The following HNRNPF variants were observed in gnomAD, a reference collection of about 807,000 sequenced individuals.
HNRNPF encodes the protein HnRNP F protein.
Under a neutral mutation model 26.0 loss-of-function variants are expected in HNRNPF, and 2 were observed. That is an observed-to-expected ratio of 0.08 (90% CI 0.03 to 0.24). The LOEUF (loss-of-function observed/expected upper bound fraction) is 0.24. Among genes scored for constraint, HNRNPF ranks in the 10% least tolerant of loss-of-function variants. The probability of loss-of-function intolerance (pLI) is 1.00; values close to 1 mark genes in which losing one functional copy is unlikely to be tolerated. For synonymous variants in HNRNPF, 234 were observed against 211.5 expected (o/e 1.11, Z -0.92); for missense variants, 299 against 539.2 (o/e 0.55, Z 4.41).
intron 3 of HNRNPF, among the ~76,000 whole-genome samples, chr10:43,392,273 C>A (rs913621866): frequency 6.6e-6 from 1 of 152,064 alleles, no homozygotes; most frequent in Non-Finnish European, 1.5e-5. Flanking sequence ...GGGCACAGTG[C>A]CTCACACCTG....
intron 3 of HNRNPF, among the ~76,000 whole-genome samples, chr10:43,392,015 A>C (rs1014358973): frequency 1.3e-5 from 2 of 151,890 alleles, no homozygotes; most frequent in African/African-American, 2.4e-5. Flanking sequence ...GAGGTCAAGG[A>C]GGGTGGATAA....
chr10:43,397,859 T>G (rs1838612636), intron 1 of HNRNPF, among the ~76,000 whole-genome samples: 1 of 152,222 alleles, frequency 6.6e-6, no homozygotes. Flanking sequence ...GCCACAAATA[T>G]TTGCAGATGA....
intron 1 of HNRNPF, among the ~76,000 whole-genome samples, chr10:43,408,402 G>A (rs1277601139): frequency 1.3e-5 from 2 of 152,150 alleles, no homozygotes; most frequent in African/African-American, 4.8e-5. Context: ...GTTCTTGCCG[G>A]TCCCACGTAC....
chr10:43,403,097 C>T (rs1838803259), intron 1 of HNRNPF, among the ~76,000 whole-genome samples: 1 of 152,140 alleles, frequency 6.6e-6, no homozygotes, highest in Non-Finnish European at 1.5e-5. Context: ...ATTCCACTCT[C>T]GGTTCACTGC....
At chr10:43,388,631 T>G (rs549816493) in intron 3 of HNRNPF, among the ~76,000 whole-genome samples, 1 of 152,302 alleles carries the variant, frequency 6.6e-6, no homozygotes, top group African/African-American at 2.4e-5. Flanking sequence ...AGAAACCAGA[T>G]CAGATGATTC....
intron 3 of HNRNPF, among the ~76,000 whole-genome samples, chr10:43,394,170 C>A (rs769984835): frequency 3.3e-5 from 5 of 152,114 alleles, no homozygotes; most frequent in Non-Finnish European, 5.9e-5. Context: ...TAACTGTTGC[C>A]CATGTGTAGG....
Position 43,386,159 on chromosome 10 carries a change from T to C in HNRNPF, c.*478A>G, listed in dbSNP as rs1838015058. On this transcript the variant is annotated 3_prime_UTR_variant, in exon 4 of 4. Transcript: ENST00000682386. ...CAAGGCCTCACCAATTCCTACAGTA[T>C]TAGTATTGTGTCTCAATTCTCAAAA... 1 of 153,208 alleles carries C rather than the reference T, an allele frequency of 6.5e-6. No individual in the cohort carries two copies. Among genetic ancestry groups the C allele is most frequent in the Non-Finnish European group, 1.5e-5 (1 of 68,474 alleles). The allele number at this position is 153,208 out of a possible 1,614,324, so 9.5% of individuals were successfully genotyped here. A position where few individuals can be genotyped will look rare whatever the true frequency, so the allele number is the denominator to read the frequency against.
In HNRNPF at chr10:43,386,673, G is replaced by C. The variant is rs1411786200; in HGVS notation, c.1212C>G (p.Gly404=). ...SQSVSGCYGA[G]YSGQNSMGGY... is the part of the protein sequence containing the mutation. ...CACCCATGCTGTTCTGCCCACTGTAGCCGGCCCCGTAACAGCCACTCACTG... is the reference window on the plus strand; with the variant it reads ...CACCCATGCTGTTCTGCCCACTGTACCCGGCCCCGTAACAGCCACTCACTG... The change falls in exon 4 of 4, where the codon GGC becomes GGG. Residue 404 remains glycine (G), a synonymous_variant. Coordinates refer to ENST00000682386, the MANE Select transcript of HNRNPF (RefSeq NM_001098204.2). 1 of 1,583,838 alleles carries C rather than the reference G, an allele frequency of 6.3e-7. No individual in the cohort carries two copies. Among genetic ancestry groups the C allele is most frequent in the East Asian group, 2.2e-5 (1 of 44,734 alleles).
At chr10:43,391,828 C>G (rs1838261422) in intron 3 of HNRNPF, among the ~76,000 whole-genome samples, 3 of 152,182 alleles carry the variant, frequency 2.0e-5, no homozygotes, top group Admixed American at 1.3e-4. Flanking sequence ...TAAACATGCT[C>G]AGTTCTACCC....
Position 43,386,733 on chromosome 10 carries a change from A to G in HNRNPF, c.1152T>C (p.Ala384=), listed in dbSNP as rs1439898687. ...SQVMQGMGVS[A]AQATYSGLES... is the part of the protein sequence containing the mutation. ...CCAGGCCACTGTAAGTGGCCTGGGCAGCAGACACCCCCATGCCTTGCATCA... is the reference window on the plus strand; with the variant it reads ...CCAGGCCACTGTAAGTGGCCTGGGCGGCAGACACCCCCATGCCTTGCATCA... The change falls in exon 4 of 4, where the codon GCT becomes GCC. Residue 384 remains alanine, a synonymous_variant. Coordinates refer to ENST00000682386, the MANE Select transcript of HNRNPF (RefSeq NM_001098204.2). 6.2e-7 allele frequency: 1 copy of G among 1,614,160 alleles called. No individual in the cohort carries two copies. Among genetic ancestry groups the G allele is most frequent in the Non-Finnish European group, 8.5e-7 (1 of 1,180,016 alleles).
rs182415587 is a variant in HNRNPF, at chr10:43,403,893, G to A, written c.-247+5238C>T. On this transcript the variant is annotated intron_variant, in intron 1 of 3. Coordinates refer to ENST00000682386, the MANE Select transcript of HNRNPF (RefSeq NM_001098204.2). ...ACCTGTAATCCCAGCTACTTGGGGG[G>A]ATGAGGCAGGATTGCCTGAGCCCAG... Among the ~76,000 whole-genome samples, 20 of 152,184 alleles carry A rather than the reference G, an allele frequency of 1.3e-4. No individual in the cohort carries two copies. The East Asian group carries it at 3.9e-3, about 29-fold the overall frequency.
intron 3 of HNRNPF, among the ~76,000 whole-genome samples, chr10:43,388,163 A>G (rs996308022): frequency 2.0e-5 from 3 of 152,206 alleles, no homozygotes; most frequent in African/African-American, 7.2e-5. Flanking sequence ...CCTTGAACAC[A>G]GAGAAATGTA....
At chr10:43,403,838 CA>C (rs1187069026) in intron 1 of HNRNPF, among the ~76,000 whole-genome samples, 5 of 149,356 alleles carry the variant, frequency 3.3e-5, no homozygotes, top group Admixed American at 1.3e-4. Context: ...ACAAAAAATA[CA>C]AAAAAAAATA....
At chr10:43,397,177 C>A (rs1049294761) in intron 1 of HNRNPF, 67 of 151,908 alleles carry the variant, frequency 4.4e-4, no homozygotes, top group African/African-American at 1.5e-3. Flanking sequence ...GCCCGCGCGG[C>A]GGCTCACCAC....
chr10:43,399,324 C>A (rs890002036), intron 1 of HNRNPF, among the ~76,000 whole-genome samples: 2 of 152,134 alleles, frequency 1.3e-5, no homozygotes, highest in East Asian at 1.9e-4. Context: ...CTGGGCTCAA[C>A]TGATCCACCT....
chr10:43,386,587 G>C lies in HNRNPF; in HGVS notation c.*50C>G. 1 of 1,485,954 alleles carries C rather than the reference G, an allele frequency of 6.7e-7. No individual in the cohort carries two copies. Among genetic ancestry groups the C allele is most frequent in the Non-Finnish European group, 8.9e-7 (1 of 1,118,098 alleles). 92.0% of individuals were successfully genotyped at this position (1,485,954 alleles called of 1,614,324 possible). On this transcript the variant is annotated 3_prime_UTR_variant, in exon 4 of 4. Coordinates refer to ENST00000682386, the MANE Select transcript of HNRNPF (RefSeq NM_001098204.2). ...CTATTATAACTGCTCTTAATTGCTTGTTGGCTGCCTGTGAAAATGATTGAA... is the reference window on the plus strand; with the variant it reads ...CTATTATAACTGCTCTTAATTGCTTCTTGGCTGCCTGTGAAAATGATTGAA...
At chr10:43,398,993 G>C (rs951573737) in intron 1 of HNRNPF, among the ~76,000 whole-genome samples, 7 of 152,206 alleles carry the variant, frequency 4.6e-5, no homozygotes, top group Admixed American at 2.6e-4. Context: ...AGAACCCACA[G>C]AATTATGGTT....
At chr10:43,403,651 T>C (rs1838821470) in intron 1 of HNRNPF, among the ~76,000 whole-genome samples, 1 of 152,086 alleles carries the variant, frequency 6.6e-6, no homozygotes, top group Admixed American at 6.6e-5. Flanking sequence ...GGAGACAAAG[T>C]ATAGAGGTAC....
At chr10:43,401,009 G>A (rs190616887) in intron 1 of HNRNPF, among the ~76,000 whole-genome samples, 16 of 152,264 alleles carry the variant, frequency 1.1e-4, no homozygotes, top group African/African-American at 3.6e-4. Flanking sequence ...GTGAACCCGG[G>A]AGGCGGAACT....
Sources: gnomAD v4.1 joint callset for allele counts (sites outside exome capture counted in the v4.1 genomes callset) on GRCh38, gnomAD v4.1.1 for gene constraint, MANE v1.5 for transcripts, NCBI Gene and HGNC (gene_info 2026-07-23, HGNC 2026-07-21) for gene names.